The following GABRR2 variants were observed in gnomAD, a reference collection of about 807,000 sequenced individuals.
GABRR2 encodes the protein gamma-aminobutyric acid receptor subunit rho-2.
In GABRR2, 36 loss-of-function variants were observed where a neutral mutation model predicts 47.0. That is an observed-to-expected ratio of 0.77 (90% CI 0.59 to 1.01). The LOEUF is 1.01. Among genes scored for constraint, GABRR2 ranks in the 50% least tolerant of loss-of-function variants. GABRR2 has a pLI of 0.00. For missense variants in GABRR2, 587 were observed against 594.6 expected, an observed-to-expected ratio of 0.99 and a Z score of 0.13; for synonymous variants, 204 against 227.5, an observed-to-expected ratio of 0.90 and a Z score of 0.93.
rs1031054343 is a variant in GABRR2, at chr6:89,269,301, C to T, written c.289-67G>A. On this transcript the variant is annotated intron_variant, in intron 3 of 8. Coordinates refer to ENST00000402938, the MANE Select transcript of GABRR2 (RefSeq NM_002043.5). ...GGTTTTCTTCCTTACAATCAACCCA[C>T]CATTCACTACTGTGGTGAACATCTC... is the stretch of plus-strand genomic sequence containing the variant. 1.9e-5 allele frequency: 22 copies of T among 1,160,542 alleles called. No homozygotes were observed. In the African/African-American group the frequency reaches 3.2e-4, roughly 17 times the overall value. The allele number at this position is 1,160,542 out of a possible 1,614,324, so 71.9% of individuals were successfully genotyped here. A position where few individuals can be genotyped will look rare whatever the true frequency, so the allele number is the denominator to read the frequency against.
intron 1 of GABRR2, among the ~76,000 whole-genome samples, chr6:89,310,633 G>A (rs1767664178): frequency 6.6e-6 from 1 of 150,694 alleles, no homozygotes; most frequent in Non-Finnish European, 1.5e-5. Context: ...CCCTAATTGA[G>A]TATCCTATAG....
Position 89,257,570 on chromosome 6 carries a change from A to G in GABRR2, c.*100T>C. On this transcript the variant is annotated 3_prime_UTR_variant, in exon 9 of 9. Coordinates refer to ENST00000402938, the MANE Select transcript of GABRR2 (RefSeq NM_002043.5). ...CTCAGGGTGGTCCAGTAGCTGCTGC[A>G]TTGTTTGGTGAGGGGCGTGTGGTCA... is the stretch of plus-strand genomic sequence containing the variant. The G allele has an allele frequency of 1.0e-6, 1 of 952,660 alleles. No homozygotes were observed. Among genetic ancestry groups the G allele is most frequent in the African/African-American group, 1.7e-5 (1 of 60,378 alleles). 59.0% of individuals were successfully genotyped at this position (952,660 alleles called of 1,614,324 possible). A position where few individuals can be genotyped will look rare whatever the true frequency, so the allele number is the denominator to read the frequency against.
chr6:89,292,757 ATATACGATATATCGTATATATCG>A (rs1774478144), intron 2 of GABRR2, among the ~76,000 whole-genome samples: 1 of 76,280 alleles, frequency 1.3e-5, no homozygotes, highest in African/African-American at 6.1e-5. Context: ...TATATATCGT[ATATACGATATATCGTATATATCG>A]TATATACGAT....
intron 2 of GABRR2, among the ~76,000 whole-genome samples, chr6:89,296,052 A>C (rs1774547590): frequency 6.6e-6 from 1 of 152,180 alleles, no homozygotes; most frequent in African/African-American, 2.4e-5. Context: ...TCTAACTAGA[A>C]GCCTGTCAGG....
intron 3 of GABRR2, among the ~76,000 whole-genome samples, chr6:89,271,308 A>C (rs1478378850): frequency 6.6e-6 from 1 of 152,182 alleles, no homozygotes; most frequent in Non-Finnish European, 1.5e-5. Flanking sequence ...AGAAAGCTGC[A>C]AAATTTCAGC....
chr6:89,259,881 CTCTTT>C (rs1773704412), intron 8 of GABRR2, among the ~76,000 whole-genome samples: 2 of 143,018 alleles, frequency 1.4e-5, no homozygotes, highest in Admixed American at 6.8e-5. Flanking sequence ...ATCTCTCTCT[CTCTTT>C]TTTTTTTTTT....
At chr6:89,285,145 C>T (rs1774311909) in intron 2 of GABRR2, among the ~76,000 whole-genome samples, 1 of 152,216 alleles carries the variant, frequency 6.6e-6, no homozygotes, top group South Asian at 2.1e-4. Flanking sequence ...TGCCCTGCCT[C>T]TGTGAGGTTG....
intron 2 of GABRR2, among the ~76,000 whole-genome samples, chr6:89,297,650 T>A (rs1243380644): frequency 6.6e-6 from 1 of 151,372 alleles, no homozygotes; most frequent in African/African-American, 2.4e-5. Flanking sequence ...AGGTCAGGAG[T>A]TCAAGACCAG....
intron 1 of GABRR2, among the ~76,000 whole-genome samples, chr6:89,303,878 G>T (rs917165714): frequency 5.3e-5 from 8 of 152,260 alleles, no homozygotes; most frequent in African/African-American, 1.9e-4. Context: ...TCAATACATG[G>T]TGTTATGAGA....
chr6:89,302,052 T>C, intron 1 of GABRR2: 1 of 659,658 alleles, frequency 1.5e-6, no homozygotes, highest in Non-Finnish European at 2.8e-6. Flanking sequence ...GACAATTTAA[T>C]CTTTGGTCAG....
chr6:89,295,809 G>A (rs1582459456), intron 2 of GABRR2, among the ~76,000 whole-genome samples: 1 of 151,920 alleles, frequency 6.6e-6, no homozygotes, highest in Admixed American at 6.6e-5. Context: ...TTTGTATAAG[G>A]TGTAAGGAAG....
intron 2 of GABRR2, among the ~76,000 whole-genome samples, chr6:89,276,632 C>T (rs1297596573): frequency 6.6e-6 from 1 of 151,858 alleles, no homozygotes. Flanking sequence ...CTACCATTGT[C>T]CTAAAGGTTT....
At chr6:89,298,712 T>A (rs947980159) in intron 2 of GABRR2, among the ~76,000 whole-genome samples, 4 of 152,216 alleles carry the variant, frequency 2.6e-5, no homozygotes, top group Non-Finnish European at 5.9e-5. Flanking sequence ...TCAGAGCAGA[T>A]GACTGATTCC....
chr6:89,289,175 A>C (rs1327188680), intron 2 of GABRR2, among the ~76,000 whole-genome samples: 1 of 152,230 alleles, frequency 6.6e-6, no homozygotes, highest in East Asian at 1.9e-4. Context: ...AGAAAGAAGC[A>C]CAGATGTGCA....
At chr6:89,314,572 A>G (rs923032879) in intron 1 of GABRR2, among the ~76,000 whole-genome samples, 1 of 152,192 alleles carries the variant, frequency 6.6e-6, no homozygotes, top group Non-Finnish European at 1.5e-5. Context: ...AATGAAACCC[A>G]ATATCATTAT....
rs1773646157 is a variant in GABRR2, at chr6:89,257,971, A to G, written c.1097T>C (p.Met366Thr). The change falls in exon 9 of 9, where the codon ATG becomes ACG. Residue 366 changes from methionine to threonine, a missense_variant. Coordinates refer to ENST00000402938, the MANE Select transcript of GABRR2 (RefSeq NM_002043.5). ...GGTTTTTGAATGAAGCATTCCACACATGCACGGGAACTATGGGCAGCAAGC... is the reference window on the plus strand; with the variant it reads ...GGTTTTTGAATGAAGCATTCCACACGTGCACGGGAACTATGGGCAGCAAGC... ...ERKLREKFPC[M>T]CGMLHSKTMM... 6.2e-7 allele frequency: 1 copy of G among 1,613,150 alleles called. No homozygotes were observed. Among genetic ancestry groups the G allele is most frequent in the Non-Finnish European group, 8.5e-7 (1 of 1,179,486 alleles).
chr6:89,291,528 A>T (rs1234809461), intron 2 of GABRR2, among the ~76,000 whole-genome samples: 1 of 150,048 alleles, frequency 6.7e-6, no homozygotes, highest in Non-Finnish European at 1.5e-5. Context: ...CTGCTCCCTG[A>T]CACTTCGCTG....
chr6:89,280,251 T>TATATAC (rs1554197261), intron 2 of GABRR2, among the ~76,000 whole-genome samples: 3 of 102,986 alleles, frequency 2.9e-5, no homozygotes, highest in African/African-American at 6.7e-5. Flanking sequence ...TATATATATA[T>TATATAC]ATACATACAT....
intron 1 of GABRR2, among the ~76,000 whole-genome samples, chr6:89,304,588 C>CAAAAAAAGA (rs1562390522): frequency 7.9e-6 from 1 of 126,726 alleles, no homozygotes. Context: ...GACTCCATCT[C>CAAAAAAAGA]AAAAAAAAGA....
Sources: gnomAD v4.1 joint callset for allele counts (sites outside exome capture counted in the v4.1 genomes callset) on GRCh38, gnomAD v4.1.1 for gene constraint, MANE v1.5 for transcripts, NCBI Gene and HGNC (gene_info 2026-07-23, HGNC 2026-07-21) for gene names.